GRAMD4: variants seen among roughly 807,000 people sequenced by gnomAD.
The protein encoded by GRAMD4 is GRAM domain containing 4, also known as GRAM domain-containing protein 4.
A neutral mutation model predicts 83.9 loss-of-function variants in GRAMD4; 25 were observed. That is an observed-to-expected ratio of 0.30 (90% confidence interval 0.22 to 0.42). GRAMD4 has a LOEUF of 0.42. Ranked by LOEUF, GRAMD4 falls within the 10% of genes least tolerant of loss-of-function variation. GRAMD4 has a pLI of 1.00. For synonymous variants in GRAMD4, 336 were observed against 320.9 expected (o/e 1.05, Z -0.50); for missense variants, 593 against 788.7 (o/e 0.75, Z 2.97).
chr22:46,660,950 G>A (rs2082317975), intron 4 of GRAMD4, among the ~76,000 whole-genome samples: 1 of 152,212 alleles, frequency 6.6e-6, no homozygotes, highest in Non-Finnish European at 1.5e-5. Flanking sequence ...CAGGTCGCTG[G>A]AGTAGGCTGA....
chr22:46,583,941 C>G (rs1197609917), intron 1 of GRAMD4, among the ~76,000 whole-genome samples: 1 of 152,176 alleles, frequency 6.6e-6, no homozygotes, highest in Non-Finnish European at 1.5e-5. Context: ...ACTGATGTGG[C>G]CTTCTTCTTC....
chr22:46,661,675 C>T (rs1450449399), intron 5 of GRAMD4, among the ~76,000 whole-genome samples: 2 of 152,236 alleles, frequency 1.3e-5, no homozygotes, highest in Admixed American at 6.5e-5. Flanking sequence ...TAGTCGTCAT[C>T]ACAAATTTCC....
chr22:46,604,339 A>G (rs1327208899), intron 1 of GRAMD4, among the ~76,000 whole-genome samples: 1 of 152,190 alleles, frequency 6.6e-6, no homozygotes, highest in Non-Finnish European at 1.5e-5. Flanking sequence ...CAATTTGTAG[A>G]TTTTCAAAGG....
At chr22:46,593,691 T>A (rs2081232805) in intron 1 of GRAMD4, among the ~76,000 whole-genome samples, 1 of 152,162 alleles carries the variant, frequency 6.6e-6, no homozygotes, top group Non-Finnish European at 1.5e-5. Context: ...CTGTTGGGCG[T>A]CTGTGCATAG....
rs61392000 is a variant in GRAMD4 at position 46,611,996 on chromosome 22, C to CAAAAA, written c.-49-14737_-49-14733dup. ...TGGGAGACACAGCGAGACTCCATCT[C>CAAAAA]AAAAAAAAAAAAAAAAAAAAAAGAA... On this transcript the variant is annotated intron_variant, in intron 1 of 1. Coordinates refer to the GRAMD4 transcript ENST00000431155. Among the ~76,000 whole-genome samples, 270 of 50,008 alleles carry CAAAAA rather than the reference C, an allele frequency of 5.4e-3. 18 individuals are homozygous for CAAAAA. Among genetic ancestry groups the CAAAAA allele is most frequent in the East Asian group, 0.014 (18 of 1,296 alleles). The allele number at this position is 50,008 out of a possible 152,430, so 32.8% of individuals were successfully genotyped here. A position where few individuals can be genotyped will look rare whatever the true frequency, so the allele number is the denominator to read the frequency against.
intron 3 of GRAMD4, among the ~76,000 whole-genome samples, chr22:46,642,579 A>C (rs775325315): frequency 1.3e-5 from 2 of 152,164 alleles, no homozygotes; most frequent in Admixed American, 1.3e-4. Context: ...TGCAGTCTCT[A>C]TTTGTTTCTT....
Position 46,633,319 on chromosome 22 carries a change from C to T in GRAMD4, c.163-4521C>T, listed in dbSNP as rs56977162. Among the ~76,000 whole-genome samples, 1,019 of 152,336 alleles carry T rather than the reference C, an allele frequency of 6.7e-3. 11 individuals carry two copies. The highest frequency in any genetic ancestry group is 0.023 in the African/African-American group (971 of 41,584). ...ACTGTTCTGAGTTGGGGCACTGGGACGTTTCCTGTGGGAATAGAGCTGTTT... is the reference window on the plus strand; with the variant it reads ...ACTGTTCTGAGTTGGGGCACTGGGATGTTTCCTGTGGGAATAGAGCTGTTT... On this transcript the variant is annotated intron_variant, in intron 2 of 18. Coordinates refer to ENST00000406902, the MANE Select transcript of GRAMD4 (RefSeq NM_015124.5).
At chr22:46,616,761 G>T, upstream of GRAMD4, among the ~76,000 whole-genome samples, 1 of 138,702 alleles carries the variant, frequency 7.2e-6, no homozygotes, top group Non-Finnish European at 1.5e-5. Flanking sequence ...TGTGTGTGTG[G>T]CTTCCCCTGT....
At chr22:46,680,582 CCATCCATCCATCCACCCACCCATT>C (rs2082657513), downstream of GRAMD4, among the ~76,000 whole-genome samples, 7 of 147,666 alleles carry the variant, frequency 4.7e-5, no homozygotes, top group Non-Finnish European at 7.5e-5. Flanking sequence ...ATCCATCCAT[CCATCCATCCATCCACCCACCCATT>C]CATCCATCCA....
chr22:46,603,804 C>T (rs1383962968), intron 1 of GRAMD4, among the ~76,000 whole-genome samples: 1 of 152,186 alleles, frequency 6.6e-6, no homozygotes, highest in African/African-American at 2.4e-5. Context: ...GCGTGACCAC[C>T]GCGCCCAGCC....
chr22:46,640,930 C>T (rs1004623206), intron 3 of GRAMD4, among the ~76,000 whole-genome samples: 2 of 151,804 alleles, frequency 1.3e-5, no homozygotes, highest in African/African-American at 4.8e-5. Context: ...ACAAAAGCCA[C>T]GAGTCTAATA....
intron 3 of GRAMD4, among the ~76,000 whole-genome samples, chr22:46,644,267 T>C (rs1328582918): frequency 1.4e-5 from 2 of 147,046 alleles, no homozygotes; most frequent in African/African-American, 2.5e-5. Flanking sequence ...CCGTATTACA[T>C]CTGTCCCTGT....
At position 46,621,135 on chromosome 22, in the gene GRAMD4, T is replaced by C. The variant is rs569715639; in HGVS notation, c.-50+570T>C. ...AGGGCAGGGGCCGTCTGGTTGGGGA[T>C]GCGCGGCTGCAGCACGCAGGACGGA... is the stretch of plus-strand genomic sequence containing the variant. On this transcript the variant is annotated intron_variant, in intron 1 of 18. Coordinates refer to ENST00000406902, the MANE Select transcript of GRAMD4 (RefSeq NM_015124.5). This position sits in a 1 kb window ranked among gnomAD's most constrained non-coding sequence, Gnocchi z 5.8. Among the ~76,000 whole-genome samples the C allele has an allele frequency of 2.0e-5, 3 of 152,106 alleles. No homozygotes were observed. Among genetic ancestry groups the C allele is most frequent in the East Asian group, 3.9e-4 (2 of 5,160 alleles).
At chr22:46,673,098 G>C in intron 14 of GRAMD4, 101 bp downstream of exon 14, 1 of 973,674 alleles carries the variant, frequency 1.0e-6, no homozygotes, top group Non-Finnish European at 1.5e-6. Context: ...TCATTTAGAG[G>C]CTGTTTCTTC....
In GRAMD4 at chr22:46,644,713, T is replaced by G. The variant is rs866547454; in HGVS notation, c.283+6753T>G. On this transcript the variant is annotated intron_variant, in intron 3 of 18. Transcript: ENST00000406902. The stretch of plus-strand genomic sequence containing the variant: ...TTGTTCCCTGTTTTTTTTTTTTTTT[T>G]TTTTTTTTTTTTTTTTTTTTTACTT... 2.0e-3 allele frequency among the ~76,000 whole-genome samples: 114 copies of G among 57,220 alleles called. 2 individuals are homozygous for G. Among genetic ancestry groups the G allele is most frequent in the African/African-American group, 2.3e-3 (41 of 17,554 alleles). The allele number at this position is 57,220 out of a possible 152,430, so 37.5% of individuals were successfully genotyped here. A position where few individuals can be genotyped will look rare whatever the true frequency, so the allele number is the denominator to read the frequency against.
At chr22:46,616,808 G>A (rs1428068938), upstream of GRAMD4, among the ~76,000 whole-genome samples, 2 of 139,394 alleles carry the variant, frequency 1.4e-5, no homozygotes, top group East Asian at 2.3e-4. Flanking sequence ...TCCCCTGTGT[G>A]TGTAGGTTCC....
chr22:46,602,962 C>T (rs528727377), intron 1 of GRAMD4, among the ~76,000 whole-genome samples: 76 of 151,716 alleles, frequency 5.0e-4, no homozygotes, highest in African/African-American at 1.7e-3. Flanking sequence ...AGGCTGGTCT[C>T]GAACTCCTGA....
At chr22:46,576,897 T>C (rs1378719474), upstream of GRAMD4, among the ~76,000 whole-genome samples, 24 of 145,586 alleles carry the variant, frequency 1.6e-4, no homozygotes, top group Non-Finnish European at 2.7e-4. Context: ...GGGGCGCACG[T>C]GGCCACCCAA....
chr22:46,595,334 C>T (rs1462600673), intron 1 of GRAMD4, among the ~76,000 whole-genome samples: 1 of 152,322 alleles, frequency 6.6e-6, no homozygotes, highest in South Asian at 2.1e-4. Flanking sequence ...ACTTGGCTGC[C>T]TCTGGACATA....
Sources: allele counts gnomAD v4.1 joint callset (sites outside exome capture counted in the v4.1 genomes callset), GRCh38; gene constraint gnomAD v4.1.1; non-coding constraint Gnocchi (gnomAD v3.1); transcripts MANE v1.5; gene names NCBI Gene and HGNC (gene_info 2026-07-23, HGNC 2026-07-21).